SCN2A: variants seen among roughly 807,000 people sequenced by gnomAD.
The protein encoded by SCN2A is sodium voltage-gated channel alpha subunit 2, also known as sodium channel protein type 2 subunit alpha.
SCN2A carries 20 observed loss-of-function variants against 188.7 expected under a neutral mutation model. The observed-to-expected ratio is 0.11, with a 90% CI of 0.07 to 0.15. The LOEUF is 0.15. Ranked by LOEUF, SCN2A falls within the 10% of genes least tolerant of loss-of-function variation. The pLI is 1.00. For missense variants in SCN2A, 1,278 were observed against 2,445.0 expected (o/e 0.52, Z 10.07); for synonymous variants, 804 against 833.1 (o/e 0.97, Z 0.60).
chr2:165,255,888 C>T (rs1559318533), intron 1 of SCN2A, among the ~76,000 whole-genome samples: 1 of 151,696 alleles, frequency 6.6e-6, no homozygotes, highest in Non-Finnish European at 1.5e-5. Context: ...CTTCCCCGCC[C>T]ACCCCCCTTG....
At chr2:165,266,149 A>G (rs1488982463) in intron 1 of SCN2A, among the ~76,000 whole-genome samples, 2 of 152,104 alleles carry the variant, frequency 1.3e-5, no homozygotes, top group Non-Finnish European at 2.9e-5. Flanking sequence ...TAATTTTAAG[A>G]ATAATACATA....
intron 3 of SCN2A, among the ~76,000 whole-genome samples, chr2:165,302,592 A>G (rs890075354): frequency 2.6e-5 from 4 of 152,200 alleles, no homozygotes; most frequent in African/African-American, 9.6e-5. Flanking sequence ...GAAACCAATA[A>G]TTATTATCTT....
intron 1 of SCN2A, 36 bp downstream of exon 1, chr2:165,239,676 G>A (rs1318659092): frequency 2.1e-6 from 2 of 932,824 alleles, no homozygotes; most frequent in South Asian, 5.0e-5. Context: ...ACTTATCCAC[G>A]GATTGTTATC....
At chr2:165,314,301 G>A (rs1697609671) in intron 10 of SCN2A, among the ~76,000 whole-genome samples, 193 bp downstream of exon 10, 1 of 152,070 alleles carries the variant, frequency 6.6e-6, no homozygotes, top group Non-Finnish European at 1.5e-5. Flanking sequence ...AATAGTAATG[G>A]CATCAAAAAA....
At chr2:165,317,179 G>T (rs1030812562) in intron 11 of SCN2A, among the ~76,000 whole-genome samples, 1 of 152,052 alleles carries the variant, frequency 6.6e-6, no homozygotes, top group South Asian at 2.1e-4. Context: ...CATACTTGGG[G>T]ATTAATTCAA....
At chr2:165,291,418 C>CTT (rs1696129477) in intron 1 of SCN2A, among the ~76,000 whole-genome samples, 3 of 127,562 alleles carry the variant, frequency 2.4e-5, no homozygotes, top group African/African-American at 5.8e-5. Flanking sequence ...CTTCCTTCCT[C>CTT]CCTGTCTGTC....
chr2:165,308,939 G>T, intron 5 of SCN2A, 145 bp downstream of exon 5: 1 of 1,187,194 alleles, frequency 8.4e-7, no homozygotes, highest in East Asian at 2.5e-5. Context: ...ATCCAGTTTG[G>T]AGAAATTAGG....
intron 3 of SCN2A, among the ~76,000 whole-genome samples, chr2:165,300,431 A>G (rs7607897): frequency 0.57 from 85,987 of 152,050 alleles, 24,858 homozygotes; most frequent in Middle Eastern, 0.64. Context: ...GGAGCTAGTG[A>G]TAAGTGTTAC....
At chr2:165,267,252 T>C (rs1357576009) in intron 1 of SCN2A, 4 of 151,976 alleles carry the variant, frequency 2.6e-5, no homozygotes, top group Non-Finnish European at 5.9e-5. Context: ...CAAAATACAT[T>C]ACAAAGTTGT....
At chr2:165,370,409 A>G in intron 20 of SCN2A, 110 bp downstream of exon 20, 2 of 1,102,792 alleles carry the variant, frequency 1.8e-6, no homozygotes, top group South Asian at 1.3e-5. Flanking sequence ...GCCCAAATAT[A>G]AATTATGTTT....
intron 21 of SCN2A, among the ~76,000 whole-genome samples, chr2:165,373,904 C>T (rs1268184141): frequency 1.3e-5 from 2 of 151,794 alleles, no homozygotes; most frequent in Non-Finnish European, 2.9e-5. Flanking sequence ...GACCACATAC[C>T]CTCACCACCT....
At chr2:165,296,335 G>A (rs1051247044) in intron 2 of SCN2A, 3 of 530,508 alleles carry the variant, frequency 5.7e-6, no homozygotes, top group Non-Finnish European at 1.0e-5. Context: ...AATTAAGGAA[G>A]GACAAAAGCC....
At chr2:165,328,576 T>C (rs1175247455) in intron 13 of SCN2A, 12 of 880,484 alleles carry the variant, frequency 1.4e-5, no homozygotes, top group African/African-American at 1.8e-5. Context: ...GCACTTCTGA[T>C]AGCATTAAGT....
chr2:165,336,450 T>A (rs66480668), intron 14 of SCN2A, among the ~76,000 whole-genome samples: 66,040 of 151,596 alleles, frequency 0.44, 14,652 homozygotes, highest in East Asian at 0.55. Flanking sequence ...AAACCTTGAA[T>A]ATATTATATT....
chr2:165,296,910 C>A, intron 2 of SCN2A, 107 bp from the exon 3 acceptor site: 2 of 664,330 alleles, frequency 3.0e-6, no homozygotes, highest in Non-Finnish European at 5.4e-6. Flanking sequence ...TTATGTTATA[C>A]ACTATTTTAC....
intron 12 of SCN2A, among the ~76,000 whole-genome samples, chr2:165,324,117 C>T (rs370232462): frequency 2.0e-5 from 3 of 152,150 alleles, no homozygotes; most frequent in African/African-American, 4.8e-5. Flanking sequence ...CTGTCATAAA[C>T]TCTTATTGTA....
At position 165,323,061 on chromosome 2, in the gene SCN2A, A is replaced by G. The variant is rs1002870783; in HGVS notation, c.1672-95A>G. On this transcript the variant is annotated intron_variant, in intron 11 of 26. Coordinates refer to ENST00000375437, the MANE Select transcript of SCN2A (RefSeq NM_001040142.2). ...CCAATGACTTATCCTTGAGTAAGTC[A>G]ATGACTATGACACAATGAATCAAAT... 17 of 1,188,624 alleles carry G rather than the reference A, an allele frequency of 1.4e-5. No individual in the cohort carries two copies. The East Asian group carries it at 3.9e-4, about 27-fold the overall frequency. 73.6% of individuals were successfully genotyped at this position (1,188,624 alleles called of 1,614,324 possible). A position where few individuals can be genotyped will look rare whatever the true frequency, so the allele number is the denominator to read the frequency against.
At chr2:165,250,489 TCACACACACACA>T (rs3029614) in intron 1 of SCN2A, among the ~76,000 whole-genome samples, 6 of 148,202 alleles carry the variant, frequency 4.0e-5, no homozygotes, top group Non-Finnish European at 6.0e-5. Context: ...TTGCTCTATT[TCACACACACACA>T]CACACACACA....
rs565509013 is a variant in SCN2A at position 165,373,890 on chromosome 2, C to T, written c.3972+543C>T. 2.6e-5 allele frequency among the ~76,000 whole-genome samples: 4 copies of T among 152,098 alleles called. No homozygotes were observed. In the East Asian group the frequency reaches 7.7e-4, roughly 29 times the overall value. ...TTTGTCGTCCCCTGAGGCACAAAAC[C>T]TGAGACCACATACCCTCACCACCTA... On this transcript the variant is annotated intron_variant, in intron 21 of 26. Coordinates refer to ENST00000375437, the MANE Select transcript of SCN2A (RefSeq NM_001040142.2).
Sources: allele counts gnomAD v4.1 joint callset (sites outside exome capture counted in the v4.1 genomes callset), GRCh38; gene constraint gnomAD v4.1.1; transcripts MANE v1.5; gene names NCBI Gene and HGNC (gene_info 2026-07-23, HGNC 2026-07-21).